SLC2A13: variants seen among roughly 807,000 people sequenced by gnomAD.
The protein encoded by SLC2A13 is solute carrier family 2 member 13, also known as proton myo-inositol cotransporter.
SLC2A13 carries 32 observed loss-of-function variants against 64.4 expected under a neutral mutation model. The observed-to-expected ratio is 0.50, with a 90% CI of 0.37 to 0.67. The LOEUF is 0.67. Among genes scored for constraint, SLC2A13 ranks in the 30% least tolerant of loss-of-function variants. The pLI, the probability that SLC2A13 is intolerant of heterozygous loss-of-function variation, is 0.00. For synonymous variants in SLC2A13, 338 were observed against 327.1 expected, an observed-to-expected ratio of 1.03 and a Z score of -0.36; for missense variants, 743 against 829.2, an observed-to-expected ratio of 0.90 and a Z score of 1.28.
At chr12:40,064,736 T>C (rs547669735) in intron 1 of SLC2A13, among the ~76,000 whole-genome samples, 60 of 152,266 alleles carry the variant, frequency 3.9e-4, no homozygotes, top group South Asian at 8.3e-4. Flanking sequence ...TTCAAGGCTA[T>C]CACAAAAGAC....
chr12:40,074,039 T>C (rs1938068648), intron 1 of SLC2A13, among the ~76,000 whole-genome samples: 1 of 152,104 alleles, frequency 6.6e-6, no homozygotes, highest in Non-Finnish European at 1.5e-5. Flanking sequence ...TGATATTCCG[T>C]TATGGTTTGT....
intron 7 of SLC2A13, among the ~76,000 whole-genome samples, chr12:39,778,580 A>G (rs1394879563): frequency 6.6e-6 from 1 of 152,206 alleles, no homozygotes; most frequent in Non-Finnish European, 1.5e-5. Flanking sequence ...TTTTGGTTTA[A>G]AAATGGTTTT....
chr12:39,809,481 C>G (rs1371218090), intron 7 of SLC2A13, among the ~76,000 whole-genome samples: 1 of 152,036 alleles, frequency 6.6e-6, no homozygotes, highest in Admixed American at 6.6e-5. Context: ...ATCTAGAGAT[C>G]AACTTAAAAG....
At chr12:39,985,798 G>A (rs1460758882) in intron 3 of SLC2A13, among the ~76,000 whole-genome samples, 3 of 152,062 alleles carry the variant, frequency 2.0e-5, no homozygotes, top group Non-Finnish European at 4.4e-5. Flanking sequence ...CTGCAGTAGG[G>A]TGGTTCTTTA....
chr12:39,849,848 T>G (rs575695614), intron 6 of SLC2A13, among the ~76,000 whole-genome samples: 1 of 152,282 alleles, frequency 6.6e-6, no homozygotes, highest in South Asian at 2.1e-4. Flanking sequence ...GGCTACTCCC[T>G]TCTTTTTTTT....
chr12:39,815,493 A>G (rs1272027541), intron 7 of SLC2A13, among the ~76,000 whole-genome samples: 1 of 152,176 alleles, frequency 6.6e-6, no homozygotes, highest in Non-Finnish European at 1.5e-5. Flanking sequence ...CTATCCTTTC[A>G]CTAACATTCA....
At chr12:40,069,423 CTA>C (rs1937869018) in intron 1 of SLC2A13, among the ~76,000 whole-genome samples, 1 of 151,814 alleles carries the variant, frequency 6.6e-6, no homozygotes. Flanking sequence ...TGGGTGAAAA[CTA>C]TGTGCATCTT....
intron 3 of SLC2A13, among the ~76,000 whole-genome samples, chr12:39,978,369 C>T (rs1001358817): frequency 1.3e-5 from 2 of 152,190 alleles, no homozygotes; most frequent in East Asian, 1.9e-4. Flanking sequence ...CCAGCGTAAG[C>T]GATGCAGAAG....
Position 40,048,012 on chromosome 12 carries a change from C to A in SLC2A13, c.716+39G>T, listed in dbSNP as rs756564272. 10 of 1,543,052 alleles carry A rather than the reference C, an allele frequency of 6.5e-6. No homozygotes were observed. In the East Asian group the frequency reaches 9.2e-5, roughly 14 times the overall value. ...CAATTTTTCTCCCCTTCCCCAAAAT[C>A]AAGATTTGAAAAATTAAATGTAAAA... On this transcript the variant is annotated intron_variant, in intron 2 of 9. Transcript: ENST00000280871.
Position 39,995,574 on chromosome 12 carries a change from T to A in SLC2A13, c.925+32727A>T, listed in dbSNP as rs185205105. Among the ~76,000 whole-genome samples the A allele has an allele frequency of 3.3e-5, 5 of 152,324 alleles. No homozygotes were observed. The East Asian group carries it at 7.7e-4, about 23-fold the overall frequency. On this transcript the variant is annotated intron_variant, in intron 3 of 9. Transcript: ENST00000280871. The stretch of plus-strand genomic sequence containing the variant: ...TTAAGAGTAAAAAAGCATATCAAAC[T>A]ATTAAAGATATAAAAGTAGGCATAC...
intron 7 of SLC2A13, among the ~76,000 whole-genome samples, chr12:39,790,216 CT>C (rs1411385126): frequency 5.1e-5 from 2 of 39,136 alleles, no homozygotes; most frequent in East Asian, 1.7e-3. Context: ...TTTTTTTTTT[CT>C]TCTTCTTCTT....
intron 4 of SLC2A13, among the ~76,000 whole-genome samples, chr12:39,896,623 A>C (rs1306715113): frequency 6.6e-6 from 1 of 151,102 alleles, no homozygotes; most frequent in Non-Finnish European, 1.5e-5. Flanking sequence ...TTTATATGTA[A>C]ATTACATATA....
intron 7 of SLC2A13, among the ~76,000 whole-genome samples, chr12:39,775,261 G>C (rs1195365575): frequency 6.6e-6 from 1 of 152,190 alleles, no homozygotes; most frequent in East Asian, 1.9e-4. Context: ...GGGCCACAAA[G>C]GTTGGTCTGG....
intron 3 of SLC2A13, among the ~76,000 whole-genome samples, chr12:39,979,073 C>T (rs1004630212): frequency 7.2e-5 from 11 of 151,910 alleles, no homozygotes; most frequent in African/African-American, 2.7e-4. Flanking sequence ...ACTGACACCT[C>T]ACATGGCAGG....
At position 40,105,325 on chromosome 12, in the gene SLC2A13, A is replaced by G; in HGVS notation, c.484T>C (p.Ser162Pro). ...LLASALFTAG[S>P]AVLAAANNKE... is the part of the protein sequence containing the mutation. ...TTGTTGGCCGCAGCCAGCACCGCGG[A>G]GCCGGCGGTGAAGAGGGCACTGGCC... is the stretch of plus-strand genomic sequence containing the variant. The change falls in exon 1 of 10, where the codon TCC (serine) becomes CCC (proline). Residue 162 changes from serine (S) to proline (P), a missense_variant. This residue lies in a region of SLC2A13 where 448 missense variants were observed against 447.4 expected (regional missense o/e 1.00). Coordinates refer to ENST00000280871, the MANE Select transcript of SLC2A13 (RefSeq NM_052885.4). The surrounding 1 kb of genome is among the most constrained non-coding windows in gnomAD (Gnocchi z 4.2). 2 of 1,599,224 alleles carry G rather than the reference A, an allele frequency of 1.3e-6. No homozygotes were observed. The highest frequency in any genetic ancestry group is 2.3e-5 in the East Asian group (1 of 44,138).
At chr12:40,092,512 T>G (rs976998641) in intron 1 of SLC2A13, among the ~76,000 whole-genome samples, 1 of 152,180 alleles carries the variant, frequency 6.6e-6, no homozygotes, top group African/African-American at 2.4e-5. Flanking sequence ...CTTTAGAAAT[T>G]TATCACATCA....
At position 39,911,764 on chromosome 12, in the gene SLC2A13, G is replaced by A. The variant is rs1468701727; in HGVS notation, c.1034+39493C>T. Among the ~76,000 whole-genome samples, 4 of 152,034 alleles carry A rather than the reference G, an allele frequency of 2.6e-5. No homozygotes were observed. In the East Asian group the frequency reaches 7.7e-4, roughly 29 times the overall value. Reference sequence around the variant, plus strand: ...AAACTAATAGGAAATATAAAATTAGGTTCCTTTAGCTGGAAATTCAATGAG... The same window carrying A: ...AAACTAATAGGAAATATAAAATTAGATTCCTTTAGCTGGAAATTCAATGAG... On this transcript the variant is annotated intron_variant, in intron 4 of 9. Transcript: ENST00000280871.
chr12:40,000,715 C>G (rs185669135), intron 3 of SLC2A13, among the ~76,000 whole-genome samples: 13 of 152,312 alleles, frequency 8.5e-5, no homozygotes, highest in Admixed American at 8.5e-4. Context: ...GTGCCTCTTC[C>G]TCTTCTTATA....
At chr12:39,944,672 C>T (rs958236368) in intron 4 of SLC2A13, among the ~76,000 whole-genome samples, 1 of 152,184 alleles carries the variant, frequency 6.6e-6, no homozygotes, top group Non-Finnish European at 1.5e-5. Flanking sequence ...CCCCTGCTTG[C>T]TTTTGGTGTC....
Sources: allele counts gnomAD v4.1 joint callset (sites outside exome capture counted in the v4.1 genomes callset), GRCh38; gene constraint gnomAD v4.1.1; regional missense constraint gnomAD v4.1.1; non-coding constraint Gnocchi (gnomAD v3.1); transcripts MANE v1.5; gene names NCBI Gene and HGNC (gene_info 2026-07-23, HGNC 2026-07-21).